WDR70: variants seen among roughly 807,000 people sequenced by gnomAD.
The protein encoded by WDR70 is WD repeat domain 70, also known as WD repeat-containing protein 70.
Under a neutral mutation model 88.6 loss-of-function variants are expected in WDR70, and 53 were observed. The ratio of observed to expected loss-of-function variants is 0.60; its 90% CI spans 0.48 to 0.75. WDR70 has a LOEUF of 0.75. Among genes scored for constraint, WDR70 ranks in the 30% least tolerant of loss-of-function variants. The pLI, the probability that WDR70 is intolerant of heterozygous loss-of-function variation, is 0.00. For missense variants in WDR70, 610 were observed against 823.2 expected (o/e 0.74, Z 3.17); for synonymous variants, 280 against 270.0 (o/e 1.04, Z -0.36).
intron 13 of WDR70, among the ~76,000 whole-genome samples, chr5:37,703,849 A>C (rs1400176154): frequency 6.6e-6 from 1 of 152,192 alleles, no homozygotes; most frequent in Non-Finnish European, 1.5e-5. Context: ...TGTCTGTGTA[A>C]ATTTTCTTTG....
rs1202541944 is a variant in WDR70 at position 37,530,267 on chromosome 5, C to A, written c.917+13677C>A. ...CTCAGGGATATTGGTCTGCAGTTTT[C>A]TTTTTTTGTTATGTCCTTCCCTATT... On this transcript the variant is annotated intron_variant, in intron 9 of 17. Transcript: ENST00000265107. Among the ~76,000 whole-genome samples the A allele has an allele frequency of 2.6e-5, 4 of 151,966 alleles. No individual in the cohort carries two copies. The East Asian group carries it at 5.8e-4, about 22-fold the overall frequency.
chr5:37,499,587 T>TTTTCTCTC (rs1554144047), intron 8 of WDR70, among the ~76,000 whole-genome samples: 3,589 of 41,652 alleles, frequency 0.086, 274 homozygotes, highest in Non-Finnish European at 0.15. Context: ...TTTGGAAATA[T>TTTTCTCTC]TCTCTCTCTC....
At chr5:37,677,529 A>G (rs931895762) in intron 10 of WDR70, among the ~76,000 whole-genome samples, 4 of 152,102 alleles carry the variant, frequency 2.6e-5, no homozygotes, top group Admixed American at 2.0e-4. Context: ...TTCAGTTTCC[A>G]TGTAGTTGAG....
At chr5:37,431,875 T>C (rs1750314365) in intron 5 of WDR70, among the ~76,000 whole-genome samples, 1 of 152,260 alleles carries the variant, frequency 6.6e-6, no homozygotes, top group South Asian at 2.1e-4. Context: ...TGTTGTAGCA[T>C]GTGTCGGAAT....
chr5:37,527,301 C>T (rs79254749), intron 9 of WDR70, among the ~76,000 whole-genome samples: 25,290 of 151,986 alleles, frequency 0.17, 2,220 homozygotes, highest in South Asian at 0.27. Context: ...ACCAATGGAA[C>T]AAATCAGAGC....
intron 7 of WDR70, among the ~76,000 whole-genome samples, chr5:37,475,413 T>G (rs1739450207): frequency 6.6e-6 from 1 of 151,840 alleles, no homozygotes; most frequent in Admixed American, 6.6e-5. Context: ...TTTTTTTGTA[T>G]TTTTAGTAGA....
rs375764338 is a variant in WDR70 at position 37,655,687 on chromosome 5, G to C, written c.1093-41968G>C. On this transcript the variant is annotated intron_variant, in intron 10 of 17. Transcript: ENST00000265107. ...TTTTCACGCTTTATTTCATTAAGTT[G>C]ATTTTCAATCTCTGATATCCTTTCT... 3.0e-4 allele frequency among the ~76,000 whole-genome samples: 46 copies of C among 151,412 alleles called. 2 individuals carry two copies. The South Asian group carries it at 9.4e-3, about 31-fold the overall frequency.
At chr5:37,519,536 C>T (rs878856239) in intron 9 of WDR70, among the ~76,000 whole-genome samples, 8 of 139,118 alleles carry the variant, frequency 5.8e-5, no homozygotes, top group African/African-American at 1.6e-4. Context: ...CCAGACGGGG[C>T]GGCGGGGCGG....
chr5:37,451,081 A>G (rs1227773603), intron 7 of WDR70, among the ~76,000 whole-genome samples: 1 of 116,204 alleles, frequency 8.6e-6, no homozygotes, highest in Non-Finnish European at 1.9e-5. Context: ...TATTTTTAAT[A>G]GAGTCGGGGT....
chr5:37,719,214 C>T (rs995688600), intron 13 of WDR70, among the ~76,000 whole-genome samples: 3 of 152,086 alleles, frequency 2.0e-5, no homozygotes, highest in Non-Finnish European at 4.4e-5. Context: ...AGAAGCTGCA[C>T]TTTGTAGACC....
At chr5:37,671,572 A>G (rs1288634656) in intron 10 of WDR70, among the ~76,000 whole-genome samples, 1 of 152,138 alleles carries the variant, frequency 6.6e-6, no homozygotes, top group Non-Finnish European at 1.5e-5. Context: ...CTTTCTATTA[A>G]TATTTTCTCT....
intron 9 of WDR70, among the ~76,000 whole-genome samples, chr5:37,548,022 C>T (rs1247421789): frequency 2.6e-5 from 4 of 152,052 alleles, no homozygotes; most frequent in African/African-American, 4.8e-5. Flanking sequence ...GTATGAGTAC[C>T]ATATTTTCTT....
intron 10 of WDR70, among the ~76,000 whole-genome samples, chr5:37,675,918 G>T (rs1409225409): frequency 6.6e-6 from 1 of 152,030 alleles, no homozygotes; most frequent in East Asian, 1.9e-4. Context: ...ATGGAGCAGT[G>T]GTTTGTAGTT....
intron 10 of WDR70, among the ~76,000 whole-genome samples, chr5:37,690,330 C>T (rs998285592): frequency 6.6e-6 from 1 of 152,064 alleles, no homozygotes; most frequent in African/African-American, 2.4e-5. Flanking sequence ...CAAGGCAGGC[C>T]AACATTCAAA....
intron 9 of WDR70, among the ~76,000 whole-genome samples, chr5:37,586,705 C>T (rs930029087): frequency 2.0e-5 from 3 of 152,058 alleles, no homozygotes; most frequent in Non-Finnish European, 1.5e-5. Flanking sequence ...TAACACTTCC[C>T]TCTCCTCGTA....
intron 10 of WDR70, among the ~76,000 whole-genome samples, chr5:37,607,871 T>A (rs1744075648): frequency 6.6e-6 from 1 of 152,094 alleles, no homozygotes; most frequent in South Asian, 2.1e-4. Context: ...ACTGCCTCCT[T>A]GATTCTCTAC....
At chr5:37,419,690 C>A (rs1055958436) in intron 5 of WDR70, among the ~76,000 whole-genome samples, 3 of 151,812 alleles carry the variant, frequency 2.0e-5, no homozygotes, top group African/African-American at 7.3e-5. Context: ...TGGCAGGTGC[C>A]TGTAATCCCT....
intron 10 of WDR70, among the ~76,000 whole-genome samples, chr5:37,680,409 C>T (rs373931505): frequency 6.6e-6 from 1 of 152,124 alleles, no homozygotes; most frequent in African/African-American, 2.4e-5. Context: ...TTAATTAGAT[C>T]CCATTTGTCA....
intron 10 of WDR70, among the ~76,000 whole-genome samples, chr5:37,644,720 A>C (rs990719173): frequency 6.6e-6 from 1 of 152,008 alleles, no homozygotes; most frequent in Non-Finnish European, 1.5e-5. Context: ...TTATGTATTT[A>C]GGAATTTATC....
Sources: gnomAD v4.1 joint callset for allele counts (sites outside exome capture counted in the v4.1 genomes callset) on GRCh38, gnomAD v4.1.1 for gene constraint, MANE v1.5 for transcripts, NCBI Gene and HGNC (gene_info 2026-07-23, HGNC 2026-07-21) for gene names.